Variants in NRL observed in about 807,000 individuals in gnomAD.
NRL encodes the protein neural retina leucine zipper, also known as neural retina-specific leucine zipper protein.
Under a neutral mutation model 12.5 loss-of-function variants are expected in NRL, and 16 were observed. The observed-to-expected ratio is 1.28, with a 90% CI of 0.87 to 1.95. The LOEUF (loss-of-function observed/expected upper bound fraction) is 1.95. Among genes scored for constraint, NRL ranks in the 30% most tolerant of loss-of-function variants. NRL has a pLI of 0.00. For synonymous variants in NRL, 142 were observed against 150.9 expected, an observed-to-expected ratio of 0.94 and a Z score of 0.43; for missense variants, 314 against 325.8, an observed-to-expected ratio of 0.96 and a Z score of 0.28.
At chr14:24,082,083 A>C in intron 2 of NRL, 1 of 1,208,244 alleles carries the variant, frequency 8.3e-7, no homozygotes, top group Non-Finnish European at 1.0e-6. Flanking sequence ...GGAAGCACGA[A>C]GTCTTGAAAA....
Position 24,094,525 on chromosome 14 carries a change from C to G in NRL, c.-27-11650G>C, listed in dbSNP as rs1202770407. 19 of 1,446,882 alleles carry G rather than the reference C, an allele frequency of 1.3e-5. No individual in the cohort carries two copies. The highest frequency in any genetic ancestry group is 2.0e-4 in the Middle Eastern group (1 of 4,910). The allele number at this position is 1,446,882 out of a possible 1,614,324, so 89.6% of individuals were successfully genotyped here. On this transcript the variant is annotated intron_variant, in intron 1 of 2. Coordinates refer to ENST00000561028, the MANE Select transcript of NRL (RefSeq NM_001354768.3). This position sits in a 1 kb window ranked among gnomAD's most constrained non-coding sequence, Gnocchi z 4.1. The stretch of plus-strand genomic sequence containing the variant: ...GTGGCGCTCTCCTGCTCTCAGCCTC[C>G]GCCAGGTTTCCCATCCTAGGCGGAG...
At chr14:24,093,920 C>A in intron 1 of NRL, 1 of 441,960 alleles carries the variant, frequency 2.3e-6, no homozygotes. Flanking sequence ...AAAGGCAATG[C>A]CCAACCCCCT....
intron 1 of NRL, among the ~76,000 whole-genome samples, chr14:24,092,140 T>C (rs376426470): frequency 1.3e-5 from 2 of 152,350 alleles, no homozygotes; most frequent in African/African-American, 4.8e-5. Flanking sequence ...ATAAACATTA[T>C]TCTTCTCTCT....
In NRL at chr14:24,099,276, G is replaced by A. The variant is rs760353778; in HGVS notation, c.-28+15446C>T. The A allele has an allele frequency of 2.4e-5, 37 of 1,554,812 alleles. No homozygotes were observed. The South Asian group carries it at 4.1e-4, about 17-fold the overall frequency. On this transcript the variant is annotated intron_variant, in intron 1 of 2. Transcript: ENST00000561028. ...AGAAGCAGGGCAGCTGCCGGGGACA[G>A]GGCAGGGGTGGGGCCTGGCCAGTCT...
At chr14:24,096,792 T>C in intron 1 of NRL, 1 of 996,630 alleles carries the variant, frequency 1.0e-6, no homozygotes, top group Admixed American at 1.8e-5. Context: ...CATGCAGACA[T>C]GTTTTAGCAG....
chr14:24,100,986 G>A (rs1341603295), intron 1 of NRL, among the ~76,000 whole-genome samples: 1 of 152,156 alleles, frequency 6.6e-6, no homozygotes, highest in Non-Finnish European at 1.5e-5. Flanking sequence ...AGAGGCAGGG[G>A]CAAAGAAGAG....
intron 1 of NRL, among the ~76,000 whole-genome samples, chr14:24,107,186 A>C (rs947203399): frequency 6.6e-6 from 1 of 152,230 alleles, no homozygotes; most frequent in Non-Finnish European, 1.5e-5. Flanking sequence ...GGTTCCAGGC[A>C]CCTTTCTGGT....
At chr14:24,095,855 C>T (rs2036850139) in intron 1 of NRL, among the ~76,000 whole-genome samples, 1 of 152,178 alleles carries the variant, frequency 6.6e-6, no homozygotes, top group South Asian at 2.1e-4. Flanking sequence ...ACACTCATTC[C>T]CCAGTGGTCA....
intron 1 of NRL, chr14:24,098,172 A>C: frequency 6.4e-7 from 1 of 1,563,270 alleles, no homozygotes; most frequent in Non-Finnish European, 8.7e-7. Flanking sequence ...CCTGCTGGCC[A>C]CCATCTTCCT....
In NRL at chr14:24,082,588, T is replaced by G. The variant is rs2045008088; in HGVS notation, c.261A>C (p.Ala87=). ...TLQQQLGAGE[A]LGLSPEEAME... ...TGGCCTCTTCAGGACTCAGCCCCAA[T>G]GCCTCCCCAGCCCCCAGCTGCTGCT... Residue 87 remains alanine, a synonymous_variant, in exon 2 of 3, where the codon GCA becomes GCC. Transcript: ENST00000561028. 1.9e-6 allele frequency: 3 copies of G among 1,613,750 alleles called. No homozygotes were observed. The South Asian group carries it at 3.3e-5, about 18-fold the overall frequency.
At chr14:24,114,674 T>C in intron 1 of NRL, 48 bp downstream of exon 1, 1 of 985,818 alleles carries the variant, frequency 1.0e-6, no homozygotes, top group South Asian at 4.7e-5. Context: ...CCTCCTTGGG[T>C]GTGCACTTTC....
At chr14:24,091,799 T>A (rs1448912174) in intron 1 of NRL, among the ~76,000 whole-genome samples, 3 of 152,154 alleles carry the variant, frequency 2.0e-5, no homozygotes, top group African/African-American at 7.2e-5. Context: ...GATAAAAGTA[T>A]AAAATATTCA....
Position 24,082,833 on chromosome 14 carries a change from TG to T in NRL, c.15del (p.Ser6AlafsTer13), listed in dbSNP as rs1271185594. 2.5e-6 allele frequency: 4 copies of T among 1,612,800 alleles called. No homozygotes were observed. The highest frequency in any genetic ancestry group is 1.7e-6 in the Non-Finnish European group (2 of 1,179,240). On this transcript the variant is annotated frameshift_variant, in exon 2 of 3. Coordinates refer to ENST00000561028, the MANE Select transcript of NRL (RefSeq NM_001354768.3). LOFTEE classifies it high-confidence loss of function. MALPPSPLAMEYVND... is the reference protein window; with the variant it reads MALPXSPLAMEYVND... ...TTGACATATTCCATGGCCAGGGGGC[TG>T]GGGGGCAGGGCCATTCTGGAGCTGG...
intron 1 of NRL, among the ~76,000 whole-genome samples, chr14:24,091,632 G>A (rs754912265): frequency 1.3e-5 from 2 of 151,962 alleles, no homozygotes; most frequent in African/African-American, 2.4e-5. Flanking sequence ...GGGGGACTTG[G>A]TAATTAGAGT....
chr14:24,081,319 C>A lies in NRL; in HGVS notation c.631G>T (p.Glu211Ter). The change falls in exon 3 of 3, where the codon GAG (glutamate) becomes TAG (stop). Residue 211 changes from glutamate to a stop codon, truncating the protein, a stop_gained. Transcript: ENST00000561028. LOFTEE classifies it high-confidence loss of function. This position sits in a 1 kb window ranked among gnomAD's most constrained non-coding sequence, Gnocchi z 4.4. ...LRAEVARLAR[E>*]RDLYKARCDR... ...CAGCGAGCCTTGTAGAGATCGCGCT[C>A]CCGGGCCAGGCGGGCCACCTCGGCC... 1 of 1,481,956 alleles carries A rather than the reference C, an allele frequency of 6.7e-7. No homozygotes were observed. Among genetic ancestry groups the A allele is most frequent in the Non-Finnish European group, 9.0e-7 (1 of 1,114,768 alleles). The allele number at this position is 1,481,956 out of a possible 1,614,324, so 91.8% of individuals were successfully genotyped here. A position where few individuals can be genotyped will look rare whatever the true frequency, so the allele number is the denominator to read the frequency against.
At chr14:24,106,559 A>G (rs1011408564) in intron 1 of NRL, among the ~76,000 whole-genome samples, 1 of 152,044 alleles carries the variant, frequency 6.6e-6, no homozygotes, top group African/African-American at 2.4e-5. Context: ...CATCTCTACT[A>G]AAAATACAAA....
intron 1 of NRL, chr14:24,098,971 C>T: frequency 8.8e-7 from 1 of 1,142,246 alleles, no homozygotes; most frequent in Non-Finnish European, 1.3e-6. Context: ...TCTCTCCTGC[C>T]AATCCCTGAT....
chr14:24,094,889 G>A lies in NRL; in HGVS notation c.-27-12014C>T. 1 of 1,258,512 alleles carries A rather than the reference G, an allele frequency of 7.9e-7. No homozygotes were observed. The highest frequency in any genetic ancestry group is 1.0e-6 in the Non-Finnish European group (1 of 960,064). The allele number at this position is 1,258,512 out of a possible 1,614,324, so 78.0% of individuals were successfully genotyped here. A position where few individuals can be genotyped will look rare whatever the true frequency, so the allele number is the denominator to read the frequency against. On this transcript the variant is annotated intron_variant, in intron 1 of 2. Transcript: ENST00000561028. This position sits in a 1 kb window ranked among gnomAD's most constrained non-coding sequence, Gnocchi z 4.1. ...ACTAAGCTCAGAGCCCCCTAAAGAA[G>A]GTGGAAGGTTAAATATCCATTCCCG... is the stretch of plus-strand genomic sequence containing the variant.
intron 1 of NRL, among the ~76,000 whole-genome samples, chr14:24,106,983 C>T (rs1033264638): frequency 2.0e-5 from 3 of 152,026 alleles, no homozygotes; most frequent in Non-Finnish European, 4.4e-5. Context: ...TGCCTGGCAC[C>T]GAATAACCAT....
Sources: gnomAD v4.1 joint callset for allele counts (sites outside exome capture counted in the v4.1 genomes callset) on GRCh38, gnomAD v4.1.1 for gene constraint, Gnocchi (gnomAD v3.1) non-coding constraint, MANE v1.5 for transcripts, NCBI Gene and HGNC (gene_info 2026-07-23, HGNC 2026-07-21) for gene names.